Variants in BACE1 observed in about 807,000 individuals in gnomAD.
The protein encoded by BACE1 is APP beta-secretase.
In BACE1, 21 loss-of-function variants were observed where a neutral mutation model predicts 54.0. The ratio of observed to expected loss-of-function variants is 0.39; its 90% CI spans 0.28 to 0.56. The LOEUF (loss-of-function observed/expected upper bound fraction) is 0.56, where lower values mean the gene tolerates loss of function less well. Ranked by LOEUF, BACE1 falls within the 20% of genes least tolerant of loss-of-function variation. BACE1 has a pLI of 0.63. For synonymous variants in BACE1, 232 were observed against 260.9 expected, an observed-to-expected ratio of 0.89 and a Z score of 1.07; for missense variants, 511 against 661.2, an observed-to-expected ratio of 0.77 and a Z score of 2.49.
chr11:117,303,227 C>A (rs534688805), intron 1 of BACE1, among the ~76,000 whole-genome samples: 1 of 152,090 alleles, frequency 6.6e-6, no homozygotes, highest in African/African-American at 2.4e-5. Context: ...GCCTGTGATC[C>A]GGGAGTCATC....
At chr11:117,302,840 G>A (rs980127774) in intron 1 of BACE1, among the ~76,000 whole-genome samples, 11 of 152,172 alleles carry the variant, frequency 7.2e-5, no homozygotes, top group Admixed American at 3.3e-4. Flanking sequence ...AGCTGAGATC[G>A]TGCCATTGCA....
At chr11:117,295,049 A>C in intron 3 of BACE1, 82 bp downstream of exon 3, 1 of 1,353,758 alleles carries the variant, frequency 7.4e-7, no homozygotes, top group Non-Finnish European at 1.1e-6. Context: ...TCCTTCTGCT[A>C]ATTCCCCTTC....
chr11:117,296,956 G>T lies in BACE1; in HGVS notation c.267C>A (p.Asn89Lys), dbSNP rs1268279969. The T allele has an allele frequency of 2.5e-6, 4 of 1,613,530 alleles. No homozygotes were observed. In the East Asian group the frequency reaches 8.9e-5, roughly 36 times the overall value. Residue 89 changes from asparagine to lysine, a missense_variant, in exon 2 of 9, where the codon AAC (asparagine) becomes AAA (lysine). Transcript: ENST00000313005. ...MTVGSPPQTL[N>K]ILVDTGSSNF... Reference sequence around the variant, plus strand: ...TACTGCTGCCTGTATCCACCAGGATGTTGAGCTGTCAGAGAAAGGGGAGAG... The same window carrying T: ...TACTGCTGCCTGTATCCACCAGGATTTTGAGCTGTCAGAGAAAGGGGAGAG...
rs1225592776 is a variant in BACE1 at position 117,301,606 on chromosome 11, CA to C, written c.262-4646del. 2.7e-3 allele frequency among the ~76,000 whole-genome samples: 356 copies of C among 130,164 alleles called. 1 individual carries two copies. The highest frequency in any genetic ancestry group is 8.1e-3 in the Middle Eastern group (2 of 248). The allele number at this position is 130,164 out of a possible 152,430, so 85.4% of individuals were successfully genotyped here. The stretch of plus-strand genomic sequence containing the variant: ...CCTGGGTGACAGAACAAGACCGTCT[CA>C]AAAAAAAAAAAAAGGTCAAATTCAG... On this transcript the variant is annotated intron_variant, in intron 1 of 8. Transcript: ENST00000313005.
At position 117,315,908 on chromosome 11, in the gene BACE1, G is replaced by A; in HGVS notation, c.-113C>T. ...GCTTCTCAGGAGAGGGAGCTTGGGG[G>A]CATCAGGACGCCAGGGCCTGCAGGG... On this transcript the variant is annotated 5_prime_UTR_variant, in exon 1 of 9. Coordinates refer to ENST00000313005, the MANE Select transcript of BACE1 (RefSeq NM_012104.6). The surrounding 1 kb of genome is among the most constrained non-coding windows in gnomAD (Gnocchi z 5.5). The A allele has an allele frequency of 2.4e-6, 3 of 1,231,886 alleles. No individual in the cohort carries two copies. Among genetic ancestry groups the A allele is most frequent in the Non-Finnish European group, 3.2e-6 (3 of 949,598 alleles). The allele number at this position is 1,231,886 out of a possible 1,614,324, so 76.3% of individuals were successfully genotyped here. A position where few individuals can be genotyped will look rare whatever the true frequency, so the allele number is the denominator to read the frequency against.
chr11:117,287,922 T>TC lies in BACE1; in HGVS notation c.*1643_*1644insG, dbSNP rs2034305108. 1 of 152,630 alleles carries TC rather than the reference T, an allele frequency of 6.6e-6. No homozygotes were observed. The highest frequency in any genetic ancestry group is 2.1e-4 in the South Asian group (1 of 4,836). The allele number at this position is 152,630 out of a possible 1,614,324, so 9.5% of individuals were successfully genotyped here. A position where few individuals can be genotyped will look rare whatever the true frequency, so the allele number is the denominator to read the frequency against. Reference sequence around the variant, plus strand: ...CTCCCTTATCAGGTAATTCCACACTTAGCAGGTCCCATACCTGGAAGCAGC... The same window carrying TC: ...CTCCCTTATCAGGTAATTCCACACTTCAGCAGGTCCCATACCTGGAAGCAGC... On this transcript the variant is annotated 3_prime_UTR_variant, in exon 9 of 9. Transcript: ENST00000313005.
intron 1 of BACE1, among the ~76,000 whole-genome samples, chr11:117,308,939 G>A (rs957032211): frequency 6.6e-6 from 1 of 152,028 alleles, no homozygotes; most frequent in Admixed American, 6.6e-5. Context: ...GTGACACAGC[G>A]AAACTCCATC....
intron 1 of BACE1, among the ~76,000 whole-genome samples, chr11:117,312,462 CTCTTT>C (rs1350883600): frequency 6.6e-6 from 1 of 151,942 alleles, no homozygotes; most frequent in Non-Finnish European, 1.5e-5. Flanking sequence ...ATACATTATT[CTCTTT>C]TCTTTTTTTT....
chr11:117,296,484 C>G (rs1423772466), intron 2 of BACE1, among the ~76,000 whole-genome samples: 1 of 152,264 alleles, frequency 6.6e-6, no homozygotes, highest in East Asian at 1.9e-4. Context: ...GAGGCCTGTT[C>G]AGCTTAGACT....
In BACE1 at chr11:117,315,784, G is replaced by A. The variant is rs1413746819; in HGVS notation, c.12C>T (p.Ala4=). ...CCATCCACAGCAGGAGCCAGGGCAG[G>A]GCTTGGGCCATGGTGGGCCCCGGCC... MAQ[A]LPWLLLWMGA... The change falls in exon 1 of 9, where the codon GCC becomes GCT. Residue 4 remains alanine (A), a synonymous_variant. Transcript: ENST00000313005. This position sits in a 1 kb window ranked among gnomAD's most constrained non-coding sequence, Gnocchi z 5.5. The A allele has an allele frequency of 9.1e-6, 13 of 1,430,826 alleles. No homozygotes were observed. Among genetic ancestry groups the A allele is most frequent in the Admixed American group, 3.2e-5 (1 of 31,066 alleles). The allele number at this position is 1,430,826 out of a possible 1,614,324, so 88.6% of individuals were successfully genotyped here. A position where few individuals can be genotyped will look rare whatever the true frequency, so the allele number is the denominator to read the frequency against.
Position 117,289,162 on chromosome 11 carries a change from A to T in BACE1, c.*404T>A, listed in dbSNP as rs535860. 23,486 of 197,860 alleles carry T rather than the reference A, an allele frequency of 0.12. 1,428 individuals are homozygous for T. Among genetic ancestry groups the T allele is most frequent in the Middle Eastern group, 0.15 (63 of 434 alleles). 12.3% of individuals were successfully genotyped at this position (197,860 alleles called of 1,614,324 possible). ...AAACAAGCTTGGTCTCTTCTCTGCC[A>T]GGGTACCACAGGGACACACGCCAAG... is the stretch of plus-strand genomic sequence containing the variant. On this transcript the variant is annotated 3_prime_UTR_variant, in exon 9 of 9. Transcript: ENST00000313005.
Position 117,295,712 on chromosome 11 carries a change from A to T in BACE1, c.351-365T>A, listed in dbSNP as rs370972623. On this transcript the variant is annotated intron_variant, in intron 2 of 8. Coordinates refer to ENST00000313005, the MANE Select transcript of BACE1 (RefSeq NM_012104.6). ...CTCTGGCTCCGTCAAGCTCCCCGAG[A>T]AAAGGAACCATTGACTCTCTTACTG... The T allele has an allele frequency of 3.9e-5, 57 of 1,472,284 alleles. No individual in the cohort carries two copies. The East Asian group carries it at 4.7e-4, about 12-fold the overall frequency. 91.2% of individuals were successfully genotyped at this position (1,472,284 alleles called of 1,614,324 possible). A position where few individuals can be genotyped will look rare whatever the true frequency, so the allele number is the denominator to read the frequency against.
intron 7 of BACE1, 73 bp from the exon 8 acceptor site, chr11:117,290,732 A>T (rs1012121783): frequency 1.3e-6 from 2 of 1,582,384 alleles, no homozygotes; most frequent in African/African-American, 1.3e-5. Flanking sequence ...GTAGGCATCT[A>T]TGCCCTTCCC....
intron 1 of BACE1, chr11:117,299,803 G>A (rs2034682337): frequency 3.6e-6 from 1 of 276,988 alleles, no homozygotes; most frequent in Non-Finnish European, 7.1e-6. Flanking sequence ...CTCTCCCCAC[G>A]AACCCTCTTC....
In BACE1 at chr11:117,287,284, C is replaced by G. The variant is rs1219237739; in HGVS notation, c.*2282G>C. Reference sequence around the variant, plus strand: ...GTTGGCGACCCCTGTTCTCCCTTCTCCCTCTGTCCACTGGCCTGCAATGAT... The same window carrying G: ...GTTGGCGACCCCTGTTCTCCCTTCTGCCTCTGTCCACTGGCCTGCAATGAT... On this transcript the variant is annotated 3_prime_UTR_variant, in exon 9 of 9. Transcript: ENST00000313005. 1 of 152,568 alleles carries G rather than the reference C, an allele frequency of 6.6e-6. No individual in the cohort carries two copies. Among genetic ancestry groups the G allele is most frequent in the African/African-American group, 2.4e-5 (1 of 41,440 alleles). The allele number at this position is 152,568 out of a possible 1,614,324, so 9.5% of individuals were successfully genotyped here.
chr11:117,290,816 C>G lies in BACE1; in HGVS notation c.1092+84G>C, dbSNP rs940491324. 22 of 1,566,160 alleles carry G rather than the reference C, an allele frequency of 1.4e-5. No individual in the cohort carries two copies. In the African/African-American group the frequency reaches 2.8e-4, roughly 20 times the overall value. ...GGACACTACTCATCTGTTTTGTCTT[C>G]CAAGTTCTGGCAAGCCATACCTGCT... On this transcript the variant is annotated intron_variant, in intron 7 of 8. Coordinates refer to ENST00000313005, the MANE Select transcript of BACE1 (RefSeq NM_012104.6).
At chr11:117,291,675 G>A in intron 6 of BACE1, 37 bp downstream of exon 6, 2 of 1,459,006 alleles carry the variant, frequency 1.4e-6, no homozygotes, top group South Asian at 1.1e-5. Context: ...CTCTGACACT[G>A]TACCATCTCT....
intron 1 of BACE1, among the ~76,000 whole-genome samples, chr11:117,312,705 C>T (rs1031058809): frequency 4.6e-5 from 7 of 152,160 alleles, no homozygotes; most frequent in South Asian, 4.1e-4. Context: ...TCAGGTGATC[C>T]GCCGGCCTCA....
At chr11:117,291,398 C>G (rs1209345836) in intron 6 of BACE1, among the ~76,000 whole-genome samples, 4 of 152,068 alleles carry the variant, frequency 2.6e-5, no homozygotes, top group Admixed American at 6.5e-5. Context: ...CTGTCTCAGC[C>G]CCCTGAGTAG....
Sources: allele counts gnomAD v4.1 joint callset (sites outside exome capture counted in the v4.1 genomes callset), GRCh38; gene constraint gnomAD v4.1.1; non-coding constraint Gnocchi (gnomAD v3.1); transcripts MANE v1.5; gene names NCBI Gene and HGNC (gene_info 2026-07-23, HGNC 2026-07-21).